The following C8orf34 variants were observed in gnomAD, a reference collection of about 807,000 sequenced individuals.
The protein encoded by C8orf34 is uncharacterized protein C8orf34.
In C8orf34, 65 loss-of-function variants were observed where a neutral mutation model predicts 68.3. The ratio of observed to expected loss-of-function variants is 0.95; its 90% CI spans 0.78 to 1.17. C8orf34 has a LOEUF of 1.17. C8orf34 is among the 50% of genes most tolerant of loss of function. C8orf34 has a pLI of 0.00. For missense variants in C8orf34, 664 were observed against 655.4 expected (o/e 1.01, Z -0.14); for synonymous variants, 244 against 241.2 (o/e 1.01, Z -0.11).
chr8:68,727,141 T>C (rs930173972), intron 10 of C8orf34, among the ~76,000 whole-genome samples: 2 of 151,932 alleles, frequency 1.3e-5, no homozygotes, highest in Non-Finnish European at 2.9e-5. Context: ...CTAGATACAA[T>C]GGGGGTACAG....
intron 10 of C8orf34, among the ~76,000 whole-genome samples, chr8:68,732,070 C>A (rs940200162): frequency 2.0e-5 from 3 of 152,264 alleles, no homozygotes; most frequent in Middle Eastern, 3.4e-3. Context: ...GTTAAGATTG[C>A]GTCTGAGATT....
intron 1 of C8orf34, among the ~76,000 whole-genome samples, chr8:68,388,082 T>C (rs1468401596): frequency 1.3e-5 from 2 of 152,156 alleles, no homozygotes; most frequent in Non-Finnish European, 2.9e-5. Context: ...TTTCCAATTA[T>C]GAATTCCATG....
intron 10 of C8orf34, among the ~76,000 whole-genome samples, chr8:68,750,619 A>G (rs1392475294): frequency 6.6e-6 from 1 of 152,102 alleles, no homozygotes; most frequent in Admixed American, 6.5e-5. Context: ...TGTTACGTGC[A>G]TTTTACCATA....
intron 8 of C8orf34, among the ~76,000 whole-genome samples, chr8:68,692,239 C>A (rs151191038): frequency 5.9e-5 from 9 of 151,932 alleles, no homozygotes; most frequent in Non-Finnish European, 1.3e-4. Context: ...ACACGTATAC[C>A]GTCTTGTGTG....
At chr8:68,368,062 G>T (rs1807390732) in intron 1 of C8orf34, among the ~76,000 whole-genome samples, 2 of 151,850 alleles carry the variant, frequency 1.3e-5, no homozygotes, top group African/African-American at 4.8e-5. Flanking sequence ...GTATTTTAAA[G>T]TATTTAAAAG....
chr8:68,467,531 C>T (rs1428648900), intron 3 of C8orf34, among the ~76,000 whole-genome samples: 1 of 151,912 alleles, frequency 6.6e-6, no homozygotes, highest in Non-Finnish European at 1.5e-5. Flanking sequence ...GACTTTTTCT[C>T]AACTGCCTTT....
At chr8:68,615,691 C>T (rs1041676622) in intron 7 of C8orf34, among the ~76,000 whole-genome samples, 2 of 152,258 alleles carry the variant, frequency 1.3e-5, no homozygotes, top group African/African-American at 4.8e-5. Flanking sequence ...ATTTAGTTTG[C>T]CAGTATTTTA....
chr8:68,580,490 C>G lies in C8orf34; in HGVS notation c.1105+47341C>G, dbSNP rs537837935. ...CCCAGGAAACTTTATAGTGAATGCT[C>G]TCAGTACAATGATAACATTACACTT... On this transcript the variant is annotated intron_variant, in intron 7 of 13. Transcript: ENST00000518698. 3.9e-5 allele frequency among the ~76,000 whole-genome samples: 6 copies of G among 152,192 alleles called. No individual in the cohort carries two copies. In the South Asian group the frequency reaches 8.3e-4, roughly 21 times the overall value.
chr8:68,505,969 T>C (rs753405028), intron 5 of C8orf34, among the ~76,000 whole-genome samples: 152 of 152,324 alleles, frequency 1.0e-3, no homozygotes, highest in Middle Eastern at 3.4e-3. Flanking sequence ...CCTAGGTAAC[T>C]ACCATGTAGC....
In C8orf34 at chr8:68,818,150, G is replaced by A. The variant is rs915246398; in HGVS notation, c.1610-89G>A. On this transcript the variant is annotated intron_variant, in intron 13 of 13. Coordinates refer to ENST00000518698, the MANE Select transcript of C8orf34 (RefSeq NM_052958.4). The stretch of plus-strand genomic sequence containing the variant: ...CAAAAGTTCATTGGAATAGAGGAAA[G>A]CATTAAAATCACAATTTTTCTTTTT... 5.4e-6 allele frequency: 7 copies of A among 1,296,598 alleles called. No individual in the cohort carries two copies. In the East Asian group the frequency reaches 1.2e-4, roughly 22 times the overall value. 80.3% of individuals were successfully genotyped at this position (1,296,598 alleles called of 1,614,324 possible).
intron 12 of C8orf34, among the ~76,000 whole-genome samples, chr8:68,799,957 A>G (rs550694653): frequency 1.8e-4 from 28 of 152,200 alleles, no homozygotes; most frequent in Non-Finnish European, 3.7e-4. Flanking sequence ...GCAAGGACAC[A>G]AAGACAGGAA....
intron 6 of C8orf34, among the ~76,000 whole-genome samples, chr8:68,526,860 A>G (rs1322119788): frequency 6.6e-6 from 1 of 152,182 alleles, no homozygotes; most frequent in Non-Finnish European, 1.5e-5. Flanking sequence ...AACTAAACGG[A>G]GCAAGCTCAG....
chr8:68,677,116 C>G (rs1421567872), intron 8 of C8orf34, among the ~76,000 whole-genome samples: 1 of 152,094 alleles, frequency 6.6e-6, no homozygotes, highest in East Asian at 1.9e-4. Context: ...AAATCAATAA[C>G]AAGACGAATT....
At chr8:68,386,109 G>A (rs1488475400) in intron 1 of C8orf34, among the ~76,000 whole-genome samples, 1 of 152,088 alleles carries the variant, frequency 6.6e-6, no homozygotes, top group South Asian at 2.1e-4. Flanking sequence ...GTCTTGTTGT[G>A]TTGCCCAGGC....
chr8:68,692,028 G>A (rs949206999), intron 8 of C8orf34, among the ~76,000 whole-genome samples: 2 of 152,012 alleles, frequency 1.3e-5, no homozygotes, highest in African/African-American at 4.8e-5. Flanking sequence ...AAATATTTGA[G>A]AGGAGGGTTA....
chr8:68,627,657 AT>A (rs1818575174), intron 7 of C8orf34, among the ~76,000 whole-genome samples: 1 of 152,170 alleles, frequency 6.6e-6, no homozygotes, highest in Admixed American at 6.5e-5. Flanking sequence ...TTGGATTTGA[AT>A]TTGCTTGAAC....
intron 1 of C8orf34, among the ~76,000 whole-genome samples, chr8:68,381,769 T>TATTA (rs1325672358): frequency 7.1e-6 from 1 of 140,552 alleles, no homozygotes; most frequent in Non-Finnish European, 1.5e-5. Flanking sequence ...AAAATAGGTA[T>TATTA]ATTAAATGGC....
At chr8:68,640,952 G>A (rs1456843183) in intron 8 of C8orf34, among the ~76,000 whole-genome samples, 1 of 152,172 alleles carries the variant, frequency 6.6e-6, no homozygotes, top group African/African-American at 2.4e-5. Flanking sequence ...TAATCAGCTT[G>A]ACACTTTCAG....
In C8orf34 at chr8:68,681,256, C is replaced by T. The variant is rs570919178; in HGVS notation, c.1242-27738C>T. 3.8e-4 allele frequency among the ~76,000 whole-genome samples: 58 copies of T among 152,060 alleles called. No individual in the cohort carries two copies. In the East Asian group the frequency reaches 4.1e-3, roughly 11 times the overall value. On this transcript the variant is annotated intron_variant, in intron 8 of 13. Coordinates refer to ENST00000518698, the MANE Select transcript of C8orf34 (RefSeq NM_052958.4). ...TGAGGTGATGTATATCCTCAGCTTA[C>T]GAAGATAACAGGATTAAGAGATTAA...
Sources: allele counts gnomAD v4.1 joint callset (sites outside exome capture counted in the v4.1 genomes callset), GRCh38; gene constraint gnomAD v4.1.1; transcripts MANE v1.5; gene names NCBI Gene and HGNC (gene_info 2026-07-23, HGNC 2026-07-21).